AK3: variants seen among roughly 807,000 people sequenced by gnomAD.
AK3 encodes the protein adenylate kinase 3.
In AK3, 27 loss-of-function variants were observed where a neutral mutation model predicts 23.7. That is an observed-to-expected ratio of 1.14 (90% CI 0.84 to 1.57). AK3 has a LOEUF of 1.57. AK3 is among the 40% of genes most tolerant of loss of function. AK3 has a pLI of 0.00. For synonymous variants in AK3, 159 were observed against 116.0 expected (o/e 1.37, Z -2.38); for missense variants, 406 against 285.6 (o/e 1.42, Z -3.04).
At chr9:4,726,915 T>C (rs1239476345) in intron 1 of AK3, among the ~76,000 whole-genome samples, 1 of 152,110 alleles carries the variant, frequency 6.6e-6, no homozygotes, top group Non-Finnish European at 1.5e-5. Flanking sequence ...ATGGATGTTG[T>C]GTCAGCAGGC....
chr9:4,733,200 C>T (rs1842194731), intron 1 of AK3, among the ~76,000 whole-genome samples: 1 of 152,118 alleles, frequency 6.6e-6, no homozygotes, highest in South Asian at 2.1e-4. Flanking sequence ...ATTAACCTAG[C>T]TCCTGCCAAA....
intron 4 of AK3, among the ~76,000 whole-genome samples, chr9:4,714,798 A>C (rs756741806): frequency 2.0e-5 from 3 of 152,244 alleles, no homozygotes; most frequent in African/African-American, 7.2e-5. Context: ...TTTTTTTTAA[A>C]ACAACCAACA....
upstream of AK3, chr9:4,741,237 G>T: frequency 2.4e-6 from 2 of 849,406 alleles, no homozygotes; most frequent in Non-Finnish European, 1.6e-6. Context: ...TGAGCCGACA[G>T]CCCCTGGGGC....
intron 4 of AK3, among the ~76,000 whole-genome samples, 156 bp from the exon 5 acceptor site, chr9:4,713,252 T>C (rs1023039243): frequency 4.6e-5 from 7 of 152,210 alleles, no homozygotes; most frequent in African/African-American, 1.7e-4. Context: ...TGGCTGGGCA[T>C]TGGAAAATGT....
intron 4 of AK3, among the ~76,000 whole-genome samples, chr9:4,717,114 G>T (rs994966847): frequency 6.6e-6 from 1 of 152,122 alleles, no homozygotes; most frequent in African/African-American, 2.4e-5. Context: ...AATTTACAGA[G>T]GAAAAAACAG....
intron 1 of AK3, among the ~76,000 whole-genome samples, chr9:4,737,583 G>T (rs1842326226): frequency 6.6e-6 from 1 of 152,148 alleles, no homozygotes; most frequent in Non-Finnish European, 1.5e-5. Context: ...CCACGGTGGT[G>T]CAAGCCTGTA....
chr9:4,720,555 T>C (rs1841868316), intron 2 of AK3, among the ~76,000 whole-genome samples: 1 of 151,918 alleles, frequency 6.6e-6, no homozygotes. Context: ...CAGGGCGTGG[T>C]GGTGCATGCC....
In AK3 at chr9:4,741,144, G is replaced by A. The variant is rs909224178; in HGVS notation, c.-57C>T. 9 of 1,349,220 alleles carry A rather than the reference G, an allele frequency of 6.7e-6. No individual in the cohort carries two copies. The highest frequency in any genetic ancestry group is 1.8e-5 in the South Asian group (1 of 54,278). The allele number at this position is 1,349,220 out of a possible 1,614,324, so 83.6% of individuals were successfully genotyped here. On this transcript the variant is annotated 5_prime_UTR_variant, in exon 1 of 5. Coordinates refer to ENST00000381809, the MANE Select transcript of AK3 (RefSeq NM_016282.4). ...ACCAGGGCTTTGGCCTGGCCTGCGC[G>A]CTCACCCGCTCGGCAGCCTGCGCCG...
At chr9:4,738,793 G>T in intron 1 of AK3, among the ~76,000 whole-genome samples, 1 of 135,358 alleles carries the variant, frequency 7.4e-6, no homozygotes, top group Non-Finnish European at 1.6e-5. Context: ...TTTGAGACAG[G>T]GTATCACTCT....
At chr9:4,738,141 A>T (rs767554042) in intron 1 of AK3, among the ~76,000 whole-genome samples, 2 of 152,238 alleles carry the variant, frequency 1.3e-5, no homozygotes, top group Non-Finnish European at 2.9e-5. Context: ...AAAAATGTTT[A>T]ATAACTATAC....
intron 1 of AK3, 119 bp downstream of exon 1, chr9:4,740,818 C>T: frequency 8.1e-7 from 1 of 1,230,722 alleles, no homozygotes; most frequent in Admixed American, 4.0e-5. Context: ...CTGTCCCGGG[C>T]GGCGGGAGGG....
intron 4 of AK3, among the ~76,000 whole-genome samples, chr9:4,715,921 G>A (rs933562431): frequency 6.6e-6 from 1 of 152,156 alleles, no homozygotes; most frequent in Admixed American, 6.6e-5. Context: ...GGATGGACAT[G>A]ATCAGAGCTA....
chr9:4,740,297 C>T (rs371384001), intron 1 of AK3, among the ~76,000 whole-genome samples: 33 of 149,776 alleles, frequency 2.2e-4, no homozygotes, highest in African/African-American at 7.6e-4. Flanking sequence ...GCCTTTCGTG[C>T]CGAGCTGTAA....
At chr9:4,734,507 T>C (rs1350399271) in intron 1 of AK3, among the ~76,000 whole-genome samples, 2 of 152,160 alleles carry the variant, frequency 1.3e-5, no homozygotes, top group Non-Finnish European at 2.9e-5. Flanking sequence ...AATGAATGGT[T>C]AGATGGACAG....
Position 4,710,139 on chromosome 9 carries a change from C to G in AK3, c.*2837G>C, listed in dbSNP as rs954873295. Reference sequence around the variant, plus strand: ...CTGCTAGTTTGCATTTCCCACAGTACACGCTGCTTACAAAAGGTATAGCAA... The same window carrying G: ...CTGCTAGTTTGCATTTCCCACAGTAGACGCTGCTTACAAAAGGTATAGCAA... On this transcript the variant is annotated 3_prime_UTR_variant, in exon 5 of 5. Coordinates refer to ENST00000381809, the MANE Select transcript of AK3 (RefSeq NM_016282.4). 3 of 152,086 alleles carry G rather than the reference C, an allele frequency of 2.0e-5. No homozygotes were observed. The highest frequency in any genetic ancestry group is 1.3e-4 in the Admixed American group (2 of 15,270). The allele number at this position is 152,086 out of a possible 1,614,324, so 9.4% of individuals were successfully genotyped here. A position where few individuals can be genotyped will look rare whatever the true frequency, so the allele number is the denominator to read the frequency against.
chr9:4,741,226 G>A (rs921448071), upstream of AK3: 18 of 1,007,008 alleles, frequency 1.8e-5, no homozygotes, highest in Non-Finnish European at 2.0e-5. Context: ...GTTCCCGGAA[G>A]TGAGCCGACA....
In AK3 at chr9:4,712,311, A is replaced by C. The variant is rs1051436791; in HGVS notation, c.*665T>G. The stretch of plus-strand genomic sequence containing the variant: ...TACACAGGTATTTTCAAAGGAAACA[A>C]GTCATCTTAAAGTAATATTTTTCTA... On this transcript the variant is annotated 3_prime_UTR_variant, in exon 5 of 5. Transcript: ENST00000381809. 3 of 152,236 alleles carry C rather than the reference A, an allele frequency of 2.0e-5. No homozygotes were observed. Among genetic ancestry groups the C allele is most frequent in the Non-Finnish European group, 2.9e-5 (2 of 68,034 alleles). The allele number at this position is 152,236 out of a possible 1,614,324, so 9.4% of individuals were successfully genotyped here. A position where few individuals can be genotyped will look rare whatever the true frequency, so the allele number is the denominator to read the frequency against.
chr9:4,713,015 T>G lies in AK3; in HGVS notation c.645A>C (p.Lys215Asn), dbSNP rs763458227. The change falls in exon 5 of 5, where the codon AAA becomes AAC. Residue 215 changes from lysine (K) to asparagine (N), a missense_variant. By Grantham distance (94) the Lys-to-Asn change is moderately conservative. Transcript: ENST00000381809. The part of the protein sequence containing the change: ...WPYVYAFLQT[K>N]VPQRSQKASV... ...AAGCTTTCTGGCTTCTTTGTGGAAC[T>G]TTAGTTTGTAGGAAAGCATATACAT... 6.2e-7 allele frequency: 1 copy of G among 1,613,772 alleles called. No individual in the cohort carries two copies. Among genetic ancestry groups the G allele is most frequent in the Non-Finnish European group, 8.5e-7 (1 of 1,179,780 alleles).
At chr9:4,734,358 A>C (rs1427200673) in intron 1 of AK3, among the ~76,000 whole-genome samples, 2 of 151,158 alleles carry the variant, frequency 1.3e-5, no homozygotes, top group Non-Finnish European at 3.0e-5. Flanking sequence ...CGGCAGCCTG[A>C]GCTGACTAAC....
Sources: gnomAD v4.1 joint callset for allele counts (sites outside exome capture counted in the v4.1 genomes callset) on GRCh38, gnomAD v4.1.1 for gene constraint, MANE v1.5 for transcripts, NCBI Gene and HGNC (gene_info 2026-07-23, HGNC 2026-07-21) for gene names.